The following SH3KBP1 variants were observed in gnomAD, a reference collection of about 807,000 sequenced individuals.
SH3KBP1 encodes the protein SH3 domain containing kinase binding protein 1.
In SH3KBP1, 8 loss-of-function variants were observed where a neutral mutation model predicts 50.1. That is an observed-to-expected ratio of 0.16 (90% CI 0.09 to 0.29). The LOEUF is 0.29. SH3KBP1 is among the 10% of genes least tolerant of loss of function. The probability of loss-of-function intolerance (pLI) is 1.00; values close to 1 mark genes in which losing one functional copy is unlikely to be tolerated. For synonymous variants in SH3KBP1, 227 were observed against 218.6 expected (o/e 1.04, Z -0.34); for missense variants, 377 against 535.2 (o/e 0.70, Z 2.92).
intron 1 of SH3KBP1, among the ~76,000 whole-genome samples, chrX:19,856,319 A>G (rs1417762436): frequency 2.7e-5 from 3 of 111,959 alleles, no homozygotes; most frequent in African/African-American, 9.7e-5. Context: ...CAAAAATGCA[A>G]TAAACTACAC....
intron 9 of SH3KBP1, among the ~76,000 whole-genome samples, chrX:19,599,587 C>A (rs767000451): frequency 3.0e-4 from 34 of 112,360 alleles, no homozygotes; most frequent in Non-Finnish European, 4.5e-4. Flanking sequence ...TTGATCAATG[C>A]TGGCCAGGTG....
At chrX:19,864,750 A>G (rs1410466088) in intron 1 of SH3KBP1, among the ~76,000 whole-genome samples, 1 of 112,471 alleles carries the variant, frequency 8.9e-6, no homozygotes, top group Non-Finnish European at 1.9e-5. Flanking sequence ...TAAGCCACTC[A>G]TTTTATGGTA....
intron 9 of SH3KBP1, among the ~76,000 whole-genome samples, chrX:19,597,585 C>G (rs758191887): frequency 9.0e-6 from 1 of 111,382 alleles, no homozygotes; most frequent in Non-Finnish European, 1.9e-5. Flanking sequence ...CCACAACTGG[C>G]CAGTTTTATT....
chrX:19,739,907 G>A (rs1415642785), intron 3 of SH3KBP1, among the ~76,000 whole-genome samples: 1 of 110,562 alleles, frequency 9.0e-6, no homozygotes, highest in Non-Finnish European at 1.9e-5. Flanking sequence ...GTGGATTTGG[G>A]CGGACACCAG....
chrX:19,735,918 G>C (rs113262105), intron 3 of SH3KBP1, among the ~76,000 whole-genome samples: 2,756 of 110,295 alleles, frequency 0.025, 91 homozygotes, highest in African/African-American at 0.086. Flanking sequence ...TAAAGACGGG[G>C]TTTCACTGTG....
intron 2 of SH3KBP1, among the ~76,000 whole-genome samples, chrX:19,770,888 T>C (rs2065771902): frequency 8.9e-6 from 1 of 111,759 alleles, no homozygotes; most frequent in Admixed American, 9.5e-5. Flanking sequence ...CACTTTTTAA[T>C]GGCTTTTCTT....
Position 19,583,445 on chromosome X carries a change from G to A in SH3KBP1, c.1298+5198C>T, listed in dbSNP as rs748808210. On this transcript the variant is annotated intron_variant, in intron 12 of 17. Transcript: ENST00000397821. ...GCTGGGATTACAGGCATGAGCCAGC[G>A]TGCCCAGCCCACCATTGAATTTTTA... is the stretch of plus-strand genomic sequence containing the variant. Among the ~76,000 whole-genome samples, 21 of 111,383 alleles carry A rather than the reference G, an allele frequency of 1.9e-4. No homozygotes were observed. In the South Asian group the frequency reaches 7.0e-3, roughly 37 times the overall value.
intron 9 of SH3KBP1, among the ~76,000 whole-genome samples, chrX:19,602,842 G>C (rs1306600098): frequency 8.9e-6 from 1 of 111,973 alleles, no homozygotes; most frequent in African/African-American, 3.2e-5. Flanking sequence ...GGCTAAGTAA[G>C]GTGAGGGGCC....
At chrX:19,648,992 G>A (rs1446909990) in intron 6 of SH3KBP1, among the ~76,000 whole-genome samples, 1 of 111,885 alleles carries the variant, frequency 8.9e-6, no homozygotes, top group Non-Finnish European at 1.9e-5. Context: ...CCAGTACACA[G>A]ATATCTCATG....
chrX:19,720,536 A>G (rs970035845), intron 3 of SH3KBP1, among the ~76,000 whole-genome samples: 43 of 112,487 alleles, frequency 3.8e-4, no homozygotes, highest in African/African-American at 1.4e-3. Flanking sequence ...GAGAATACAG[A>G]ATTTCAAAGG....
At chrX:19,540,805 C>G (rs768782726) in intron 16 of SH3KBP1, among the ~76,000 whole-genome samples, 1 of 112,073 alleles carries the variant, frequency 8.9e-6, no homozygotes, top group South Asian at 3.7e-4. Flanking sequence ...AATCATCGTT[C>G]AAAATCCTAC....
At chrX:19,588,900 T>A (rs1356608781) in intron 11 of SH3KBP1, 98 bp from the exon 12 acceptor site, 2 of 707,831 alleles carry the variant, frequency 2.8e-6, no homozygotes, top group Non-Finnish European at 4.0e-6. Context: ...AAAAAATTAC[T>A]GATGCTATTT....
intron 3 of SH3KBP1, among the ~76,000 whole-genome samples, chrX:19,722,648 G>A (rs1216810317): frequency 9.5e-6 from 1 of 105,310 alleles, no homozygotes; most frequent in Non-Finnish European, 1.9e-5. Context: ...TGCAAGCACA[G>A]AAATATTCCA....
intron 1 of SH3KBP1, among the ~76,000 whole-genome samples, chrX:19,882,283 GCC>G (rs890898946): frequency 1.1e-4 from 12 of 110,642 alleles, no homozygotes; most frequent in African/African-American, 3.6e-4. Context: ...ACATCCTAAA[GCC>G]CAGGATGTGT....
intron 3 of SH3KBP1, among the ~76,000 whole-genome samples, chrX:19,718,838 T>C (rs775095366): frequency 9.9e-5 from 11 of 110,780 alleles, no homozygotes; most frequent in Non-Finnish European, 2.1e-4. Context: ...TTAGTCATTA[T>C]TCTGATCAGA....
At chrX:19,565,051 A>ATTTTTTTTTTTTTTTTT (rs59323105) in intron 13 of SH3KBP1, among the ~76,000 whole-genome samples, 19 of 66,520 alleles carry the variant, frequency 2.9e-4, no homozygotes, top group African/African-American at 1.4e-3. Flanking sequence ...TTCAACTCCA[A>ATTTTTTTTTTTTTTTTT]TTTTTTTTTT....
intron 1 of SH3KBP1, among the ~76,000 whole-genome samples, chrX:19,874,322 C>T (rs1386769453): frequency 1.2e-5 from 1 of 81,071 alleles, no homozygotes; most frequent in African/African-American, 4.9e-5. Context: ...GCACTGGGGC[C>T]AGAGTGGGGT....
At position 19,728,364 on chromosome X, in the gene SH3KBP1, C is replaced by T. The variant is rs142231247; in HGVS notation, c.286+17954G>A. Among the ~76,000 whole-genome samples the T allele has an allele frequency of 2.1e-4, 23 of 112,063 alleles. No individual in the cohort carries two copies. In the East Asian group the frequency reaches 6.1e-3, roughly 30 times the overall value. ...GGGATGCTAAACCTGTATTCTGAAG[C>T]ATGCTGAGCTGAAGGCAAAGTGAAT... On this transcript the variant is annotated intron_variant, in intron 3 of 17. Coordinates refer to ENST00000397821, the MANE Select transcript of SH3KBP1 (RefSeq NM_031892.3).
intron 17 of SH3KBP1, among the ~76,000 whole-genome samples, chrX:19,537,293 C>T (rs1456678025): frequency 9.1e-6 from 1 of 110,130 alleles, no homozygotes; most frequent in Non-Finnish European, 1.9e-5. Flanking sequence ...CCCGTCTCTA[C>T]TAAAAATACA....
Sources: gnomAD v4.1 joint callset for allele counts (sites outside exome capture counted in the v4.1 genomes callset) on GRCh38, gnomAD v4.1.1 for gene constraint, MANE v1.5 for transcripts, NCBI Gene and HGNC (gene_info 2026-07-23, HGNC 2026-07-21) for gene names.